EFCC1: variants seen among roughly 807,000 people sequenced by gnomAD.
The protein encoded by EFCC1 is EF-hand and coiled-coil domain containing 1.
EFCC1 carries 50 observed loss-of-function variants against 52.1 expected under a neutral mutation model. The observed-to-expected ratio is 0.96, with a 90% confidence interval of 0.76 to 1.21. The LOEUF is 1.21. Among genes scored for constraint, EFCC1 ranks in the 50% most tolerant of loss-of-function variants. The probability of loss-of-function intolerance (pLI) is 0.00; values close to 1 mark genes in which losing one functional copy is unlikely to be tolerated. For synonymous variants in EFCC1, 399 were observed against 396.5 expected (o/e 1.01, Z -0.08); for missense variants, 837 against 867.3 (o/e 0.97, Z 0.44).
rs1944940005 is a variant in EFCC1, at chr3:129,004,020, A to C, written c.923A>C (p.Gln308Pro). 6.6e-7 allele frequency: 1 copy of C among 1,508,478 alleles called. No homozygotes were observed. The highest frequency in any genetic ancestry group is 1.4e-5 in the African/African-American group (1 of 69,554). The allele number at this position is 1,508,478 out of a possible 1,614,324, so 93.4% of individuals were successfully genotyped here. A position where few individuals can be genotyped will look rare whatever the true frequency, so the allele number is the denominator to read the frequency against. The change falls in exon 2 of 8, where the codon CAG (glutamine) becomes CCG (proline). Residue 308 changes from glutamine (Q) to proline (P), a missense_variant. Physicochemically the swap from Gln to Pro is moderately conservative, Grantham distance 76. Coordinates refer to ENST00000683648, the MANE Select transcript of EFCC1 (RefSeq NM_001377500.1). The stretch of plus-strand genomic sequence containing the variant: ...CGAGAGCTGGAGGCGCTGGCGCAAC[A>C]GGTGCCCGGCTTGCAGCGCTGGGTG... ...RVRELEALAQQVPGLQRWVRR... is the reference protein window; with the variant it reads ...RVRELEALAQPVPGLQRWVRR...
chr3:129,038,725 G>A (rs976648971), intron 6 of EFCC1, 106 bp from the exon 7 acceptor site: 4 of 1,108,036 alleles, frequency 3.6e-6, no homozygotes, highest in Non-Finnish European at 5.5e-6. Context: ...AGCTTTATCT[G>A]TCCCCAGGGA....
rs1268112469 is a variant in EFCC1, at chr3:129,002,106, C to G, written c.478C>G (p.Arg160Gly). The change falls in exon 1 of 8, where the codon CGG (arginine) becomes GGG (glycine). Residue 160 changes from arginine to glycine, a missense_variant. Physicochemically the swap from Arg to Gly is moderately radical, Grantham distance 125. Transcript: ENST00000683648. ...CTACTTCGGCACCCGTGCGGGGCCC[C>G]GGCTGCCCCGCGGCGCTCTCAGCGA... ...CGYFGTRAGP[R>G]LPRGALSEHI... The G allele has an allele frequency of 2.7e-6, 4 of 1,491,546 alleles. No homozygotes were observed. The highest frequency in any genetic ancestry group is 3.6e-6 in the Non-Finnish European group (4 of 1,124,892). 92.4% of individuals were successfully genotyped at this position (1,491,546 alleles called of 1,614,324 possible).
At chr3:129,030,627 C>A in intron 2 of EFCC1, 76 bp from the exon 3 acceptor site, 1 of 1,455,814 alleles carries the variant, frequency 6.9e-7, no homozygotes, top group South Asian at 1.4e-5. Context: ...TCATAGACAG[C>A]TTGCCCATGT....
Position 129,014,458 on chromosome 3 carries a change from G to A in EFCC1, c.980+10381G>A, listed in dbSNP as rs370806319. 2.0e-5 allele frequency among the ~76,000 whole-genome samples: 3 copies of A among 152,204 alleles called. No individual in the cohort carries two copies. Among genetic ancestry groups the A allele is most frequent in the Non-Finnish European group, 2.9e-5 (2 of 68,040 alleles). ...GGCCGCCTTCTCCCTGTATCCTCGCGTGGTCTTCCTTCTGTGTGTATTTCT... is the reference window on the plus strand; with the variant it reads ...GGCCGCCTTCTCCCTGTATCCTCGCATGGTCTTCCTTCTGTGTGTATTTCT... On this transcript the variant is annotated intron_variant, in intron 2 of 7. Coordinates refer to ENST00000683648, the MANE Select transcript of EFCC1 (RefSeq NM_001377500.1). This position sits in a 1 kb window ranked among gnomAD's most constrained non-coding sequence, Gnocchi z 4.3.
intron 2 of EFCC1, among the ~76,000 whole-genome samples, chr3:129,007,190 G>A (rs990511907): frequency 1.8e-4 from 27 of 152,148 alleles, no homozygotes; most frequent in African/African-American, 6.3e-4. Flanking sequence ...CAGAAACATC[G>A]GCCGGACATT....
At chr3:129,031,037 A>T (rs1200664551) in intron 3 of EFCC1, among the ~76,000 whole-genome samples, 177 bp downstream of exon 3, 3 of 152,132 alleles carry the variant, frequency 2.0e-5, no homozygotes, top group Non-Finnish European at 4.4e-5. Flanking sequence ...TCATCCTAAG[A>T]ACCTGGGCCT....
At chr3:129,033,895 G>A (rs1238930080) in intron 4 of EFCC1, among the ~76,000 whole-genome samples, 1 of 152,250 alleles carries the variant, frequency 6.6e-6, no homozygotes. Context: ...GCATGTTGGC[G>A]GGACCGCCAG....
intron 3 of EFCC1, among the ~76,000 whole-genome samples, chr3:129,031,470 C>A (rs1210886250): frequency 6.6e-6 from 1 of 152,136 alleles, no homozygotes; most frequent in Non-Finnish European, 1.5e-5. Flanking sequence ...CATGGATGCC[C>A]AGGCCCACCC....
intron 2 of EFCC1, among the ~76,000 whole-genome samples, chr3:129,005,911 A>G (rs1350354407): frequency 6.6e-6 from 1 of 152,236 alleles, no homozygotes; most frequent in Non-Finnish European, 1.5e-5. Context: ...CCAAGAGGAG[A>G]AATAAAGGGG....
At chr3:129,009,704 T>TG (rs1387090861) in intron 2 of EFCC1, among the ~76,000 whole-genome samples, 1 of 152,188 alleles carries the variant, frequency 6.6e-6, no homozygotes, top group Non-Finnish European at 1.5e-5. Context: ...TCTCTGGAGC[T>TG]CGCAGCCCAG....
chr3:129,004,420 C>T (rs1944975296), intron 2 of EFCC1, among the ~76,000 whole-genome samples: 1 of 134,452 alleles, frequency 7.4e-6, no homozygotes, highest in South Asian at 2.7e-4. Context: ...CTCACCCATT[C>T]ATCCATCCAC....
chr3:129,004,315 A>G (rs1944962607), intron 2 of EFCC1, among the ~76,000 whole-genome samples: 1 of 149,838 alleles, frequency 6.7e-6, no homozygotes, highest in Non-Finnish European at 1.5e-5. Flanking sequence ...CTGTCCATCC[A>G]TTCACCCACC....
chr3:129,034,240 G>A lies in EFCC1; in HGVS notation c.1363G>A (p.Gly455Arg). The A allele has an allele frequency of 1.2e-6, 2 of 1,614,204 alleles. No individual in the cohort carries two copies. Among genetic ancestry groups the A allele is most frequent in the Middle Eastern group, 1.6e-4 (1 of 6,062 alleles). The change falls in exon 5 of 8, where the codon GGG (glycine) becomes AGG (arginine). Residue 455 changes from glycine (G) to arginine (R), a missense_variant. Gly to Arg is a moderately radical substitution (Grantham distance 125, BLOSUM62 -2). Transcript: ENST00000683648. The stretch of plus-strand genomic sequence containing the variant: ...CGGTGCCAACCATGCCCATACCCTG[G>A]GGGAGCTGGAGGCCTGCATTGCCAT... ...FGGANHAHTL[G>R]ELEACIAMLV... is the part of the protein sequence containing the mutation.
chr3:129,003,505 T>C (rs145386626), intron 1 of EFCC1, among the ~76,000 whole-genome samples: 40 of 150,318 alleles, frequency 2.7e-4, no homozygotes, highest in Non-Finnish European at 2.2e-4. Context: ...GTTGGTACTA[T>C]AGAGGGAACA....
chr3:129,003,368 C>G (rs950884066), intron 1 of EFCC1: 13 of 827,336 alleles, frequency 1.6e-5, no homozygotes, highest in Non-Finnish European at 1.9e-5. Context: ...AGAAACCACC[C>G]TCAAAAGCCT....
chr3:129,024,133 C>T (rs1945992072), intron 2 of EFCC1, among the ~76,000 whole-genome samples: 1 of 152,166 alleles, frequency 6.6e-6, no homozygotes. Context: ...GAGAGAAACA[C>T]CATAACACAC....
intron 7 of EFCC1, 85 bp downstream of exon 7, chr3:129,038,985 G>A (rs1946391103): frequency 1.7e-6 from 2 of 1,174,032 alleles, no homozygotes; most frequent in Non-Finnish European, 2.5e-6. Flanking sequence ...TTCATGCTTA[G>A]CATCTTGTCT....
At chr3:129,016,718 G>A (rs1559964057) in intron 2 of EFCC1, among the ~76,000 whole-genome samples, 1 of 152,088 alleles carries the variant, frequency 6.6e-6, no homozygotes, top group Admixed American at 6.5e-5. Flanking sequence ...ACCCTGACTC[G>A]TACAGGGCCT....
At chr3:129,037,190 G>C (rs1174542838) in intron 6 of EFCC1, 73 bp downstream of exon 6, 2 of 1,494,286 alleles carry the variant, frequency 1.3e-6, no homozygotes, top group Non-Finnish European at 1.8e-6. Context: ...ACTTGTGTCA[G>C]GCACCAGGCT....
Sources: allele counts gnomAD v4.1 joint callset (sites outside exome capture counted in the v4.1 genomes callset), GRCh38; gene constraint gnomAD v4.1.1; non-coding constraint Gnocchi (gnomAD v3.1); transcripts MANE v1.5; gene names NCBI Gene and HGNC (gene_info 2026-07-23, HGNC 2026-07-21).